The following USP24 variants were observed in gnomAD, a reference collection of about 807,000 sequenced individuals.
USP24 encodes the protein ubiquitin carboxyl-terminal hydrolase 24.
USP24 carries 97 observed loss-of-function variants against 361.6 expected under a neutral mutation model. The observed-to-expected ratio is 0.27, with a 90% CI of 0.23 to 0.32. The LOEUF (loss-of-function observed/expected upper bound fraction) is 0.32, where lower values mean the gene tolerates loss of function less well. USP24 is among the 10% of genes least tolerant of loss of function. The pLI is 1.00. For missense variants in USP24, 2,353 were observed against 3,165.6 expected, an observed-to-expected ratio of 0.74 and a Z score of 6.16; for synonymous variants, 1,098 against 1,124.6, an observed-to-expected ratio of 0.98 and a Z score of 0.47.
chr1:55,092,923 A>T lies in USP24; in HGVS notation c.6355-7T>A. The T allele has an allele frequency of 6.6e-7, 1 of 1,505,604 alleles. No homozygotes were observed. The highest frequency in any genetic ancestry group is 8.9e-7 in the Non-Finnish European group (1 of 1,119,054). 93.3% of individuals were successfully genotyped at this position (1,505,604 alleles called of 1,614,324 possible). On this transcript the variant is annotated splice_polypyrimidine_tract_variant and splice_region_variant and intron_variant, in intron 52 of 67. Coordinates refer to ENST00000294383, the MANE Select transcript of USP24 (RefSeq NM_015306.3). ...GGTTCTCATCTCTCACCATCTACAA[A>T]AGAAGATTAATAATTATTTTTATGA...
chr1:55,186,696 T>G (rs186256201), intron 1 of USP24, among the ~76,000 whole-genome samples: 2 of 152,340 alleles, frequency 1.3e-5, no homozygotes, highest in Non-Finnish European at 2.9e-5. Flanking sequence ...TCCACTTATA[T>G]GAAAGTACTT....
At chr1:55,096,380 C>A in intron 50 of USP24, 118 bp downstream of exon 50, 1 of 853,260 alleles carries the variant, frequency 1.2e-6, no homozygotes, top group Non-Finnish European at 1.6e-6. Context: ...ATTGCTAGAA[C>A]AGTAGTACAA....
chr1:55,154,821 G>A (rs773889205), intron 12 of USP24, 43 bp from the exon 13 acceptor site: 15 of 1,506,932 alleles, frequency 1.0e-5, no homozygotes, highest in Non-Finnish European at 7.3e-6. Flanking sequence ...CTTGGAACTC[G>A]GAACAACCTA....
chr1:55,188,756 C>T (rs1186923597), intron 1 of USP24, among the ~76,000 whole-genome samples: 3 of 151,400 alleles, frequency 2.0e-5, no homozygotes, highest in African/African-American at 7.3e-5. Flanking sequence ...ATCAGGAGTT[C>T]GAGACCAGCC....
In USP24 at chr1:55,166,662, T is replaced by G. The variant is rs1648898489; in HGVS notation, c.826-59A>C. 2.1e-6 allele frequency: 3 copies of G among 1,397,202 alleles called. No individual in the cohort carries two copies. In the African/African-American group the frequency reaches 4.4e-5, roughly 20 times the overall value. The allele number at this position is 1,397,202 out of a possible 1,614,324, so 86.6% of individuals were successfully genotyped here. A position where few individuals can be genotyped will look rare whatever the true frequency, so the allele number is the denominator to read the frequency against. On this transcript the variant is annotated intron_variant, in intron 5 of 67. Coordinates refer to ENST00000294383, the MANE Select transcript of USP24 (RefSeq NM_015306.3). ...ATATAAAAGCTTCCCCATTAACCCT[T>G]ACATTTCTTTTATCCTAAATGAAAA...
At chr1:55,157,406 T>C in intron 10 of USP24, 36 bp from the exon 11 acceptor site, 3 of 1,173,284 alleles carry the variant, frequency 2.6e-6, no homozygotes, top group East Asian at 2.5e-5. Flanking sequence ...GAGTCTAATA[T>C]ACATTATCAA....
chr1:55,154,666 C>G lies in USP24; in HGVS notation c.1554+5G>C. On this transcript the variant is annotated splice_donor_5th_base_variant and intron_variant, in intron 13 of 67. Coordinates refer to ENST00000294383, the MANE Select transcript of USP24 (RefSeq NM_015306.3). Reference sequence around the variant, plus strand: ...AAAAGTAAGCAAGTCTGACTGAACACGTACCTTCTGAATGAGAACAAACAA... The same window carrying G: ...AAAAGTAAGCAAGTCTGACTGAACAGGTACCTTCTGAATGAGAACAAACAA... 3 of 1,611,802 alleles carry G rather than the reference C, an allele frequency of 1.9e-6. No homozygotes were observed. Among genetic ancestry groups the G allele is most frequent in the Non-Finnish European group, 1.7e-6 (2 of 1,178,670 alleles).
chr1:55,180,379 T>A (rs1019306153), intron 1 of USP24, among the ~76,000 whole-genome samples: 2 of 152,160 alleles, frequency 1.3e-5, no homozygotes, highest in African/African-American at 2.4e-5. Flanking sequence ...CCAGGCTAAA[T>A]GCAGAGGGCC....
chr1:55,176,196 A>G (rs1649965141), intron 3 of USP24, among the ~76,000 whole-genome samples, 180 bp downstream of exon 3: 1 of 152,220 alleles, frequency 6.6e-6, no homozygotes, highest in South Asian at 2.1e-4. Context: ...AAAGAAGTAA[A>G]TCATTTATAA....
At position 55,092,083 on chromosome 1, in the gene USP24, C is replaced by G; in HGVS notation, c.6494G>C (p.Ser2165Thr). 1 of 1,612,732 alleles carries G rather than the reference C, an allele frequency of 6.2e-7. No homozygotes were observed. The highest frequency in any genetic ancestry group is 8.5e-7 in the Non-Finnish European group (1 of 1,179,352). The change falls in exon 54 of 68, where the codon AGC (serine) becomes ACC (threonine). Residue 2165 changes from serine (S) to threonine (T), a missense_variant. By Grantham distance (58) the Ser-to-Thr change is moderately conservative (BLOSUM62 1). Transcript: ENST00000294383. ...HPYYPCMAKV[S>T]LQLAIQFLFQ... ...AAGGAATTGAATAGCAAGCTGTAAGCTCACCTTTGCCATGCAAGGATAATA... is the reference window on the plus strand; with the variant it reads ...AAGGAATTGAATAGCAAGCTGTAAGGTCACCTTTGCCATGCAAGGATAATA...
At chr1:55,134,518 G>A (rs927235226) in intron 28 of USP24, 105 bp from the exon 29 acceptor site, 2 of 1,010,974 alleles carry the variant, frequency 2.0e-6, no homozygotes, top group Non-Finnish European at 3.0e-6. Context: ...AGGCTGGCTG[G>A]TCACTGTAAA....
chr1:55,119,774 T>C (rs974073477), intron 38 of USP24, among the ~76,000 whole-genome samples: 13 of 152,260 alleles, frequency 8.5e-5, no homozygotes, highest in South Asian at 6.2e-4. Flanking sequence ...AGTTTGGTGA[T>C]TGACTTTTGA....
chr1:55,177,310 T>C (rs1235146846), intron 2 of USP24, among the ~76,000 whole-genome samples: 1 of 152,174 alleles, frequency 6.6e-6, no homozygotes, highest in Non-Finnish European at 1.5e-5. Flanking sequence ...TACATTTCTT[T>C]ATTAAACTCA....
chr1:55,120,505 A>G (rs987539892), intron 38 of USP24, 91 bp downstream of exon 38: 48 of 1,383,194 alleles, frequency 3.5e-5, no homozygotes, highest in Non-Finnish European at 4.3e-5. Flanking sequence ...AGTCATCTCA[A>G]TAATGCACTG....
chr1:55,180,258 C>G (rs1415675933), intron 1 of USP24, among the ~76,000 whole-genome samples: 1 of 152,162 alleles, frequency 6.6e-6, no homozygotes, highest in Non-Finnish European at 1.5e-5. Context: ...GAATAGAATA[C>G]AGCAGAAAGA....
At chr1:55,142,644 C>T (rs1036241929) in intron 23 of USP24, 98 bp downstream of exon 23, 1 of 881,824 alleles carries the variant, frequency 1.1e-6, no homozygotes, top group Non-Finnish European at 1.7e-6. Flanking sequence ...TAGGATCCAG[C>T]CACAAACATC....
chr1:55,178,025 G>A lies in USP24; in HGVS notation c.432C>T (p.Tyr144=). 1.9e-6 allele frequency: 3 copies of A among 1,551,656 alleles called. No homozygotes were observed. The highest frequency in any genetic ancestry group is 2.6e-6 in the Non-Finnish European group (3 of 1,146,958). ...ATTTGCCTAGTGATTCTTCTCGCTTGTAAGGGATGGACCAATGATCAGTCA... is the reference window on the plus strand; with the variant it reads ...ATTTGCCTAGTGATTCTTCTCGCTTATAAGGGATGGACCAATGATCAGTCA... ...RVLTDHWSIP[Y]KREESLGKCL... is the part of the protein sequence containing the mutation. Residue 144 remains tyrosine, a synonymous_variant, in exon 2 of 68, where the codon TAC becomes TAT. Coordinates refer to ENST00000294383, the MANE Select transcript of USP24 (RefSeq NM_015306.3).
Position 55,148,841 on chromosome 1 carries a change from C to A in USP24, c.1861-271G>T, listed in dbSNP as rs146684885. The stretch of plus-strand genomic sequence containing the variant: ...CAGGGGTACATCAGCAAAAAACAGA[C>A]AACAAGGAATTAGCAACTTCAGAGG... On this transcript the variant is annotated intron_variant, in intron 16 of 67. Coordinates refer to ENST00000294383, the MANE Select transcript of USP24 (RefSeq NM_015306.3). Among the ~76,000 whole-genome samples the A allele has an allele frequency of 3.8e-3, 578 of 152,260 alleles. 5 individuals are homozygous for A. Among genetic ancestry groups the A allele is most frequent in the African/African-American group, 0.013 (541 of 41,562 alleles).
intron 52 of USP24, among the ~76,000 whole-genome samples, chr1:55,093,398 TC>T (rs1645424169): frequency 6.6e-6 from 1 of 152,268 alleles, no homozygotes; most frequent in Non-Finnish European, 1.5e-5. Context: ...TAGATCCTTG[TC>T]CTGTGACACT....
Sources: allele counts gnomAD v4.1 joint callset (sites outside exome capture counted in the v4.1 genomes callset), GRCh38; gene constraint gnomAD v4.1.1; transcripts MANE v1.5; gene names NCBI Gene and HGNC (gene_info 2026-07-23, HGNC 2026-07-21).